SERPINF1: variants seen among roughly 807,000 people sequenced by gnomAD.
SERPINF1 encodes the protein pigment epithelium-derived factor.
SERPINF1 carries 29 observed loss-of-function variants against 37.3 expected under a neutral mutation model. The observed-to-expected ratio is 0.78, with a 90% confidence interval of 0.58 to 1.06. The LOEUF (loss-of-function observed/expected upper bound fraction) is 1.06, where lower values mean the gene tolerates loss of function less well. SERPINF1 is among the 50% of genes least tolerant of loss of function. SERPINF1 has a pLI of 0.00. For missense variants in SERPINF1, 553 were observed against 532.2 expected (o/e 1.04, Z -0.38); for synonymous variants, 281 against 227.9 (o/e 1.23, Z -2.10).
At chr17:1,772,644 T>C (rs1907820792) in intron 5 of SERPINF1, among the ~76,000 whole-genome samples, 1 of 151,788 alleles carries the variant, frequency 6.6e-6, no homozygotes, top group African/African-American at 2.4e-5. Context: ...CTGCAAGCTC[T>C]GCCTTCCAGG....
chr17:1,770,009 C>T lies in SERPINF1; in HGVS notation c.242C>T (p.Ser81Phe), dbSNP rs140512665. 3.1e-6 allele frequency: 5 copies of T among 1,614,232 alleles called. No individual in the cohort carries two copies. The highest frequency in any genetic ancestry group is 3.3e-5 in the Admixed American group (2 of 60,030). ...STSPTTNVLL[S>F]PLSVATALSA... ...AGCCCCACGACCAACGTGCTCCTGT[C>T]TCCTCTCAGTGTGGCCACGGCCCTC... Residue 81 changes from serine (S) to phenylalanine (F), a missense_variant, in exon 3 of 8, where the codon TCT becomes TTT. Ser to Phe is a radical substitution (Grantham distance 155, BLOSUM62 -2). Coordinates refer to ENST00000254722, the MANE Select transcript of SERPINF1 (RefSeq NM_002615.7).
chr17:1,772,675 C>T (rs1368896594), intron 5 of SERPINF1, among the ~76,000 whole-genome samples: 2 of 152,202 alleles, frequency 1.3e-5, no homozygotes, highest in Non-Finnish European at 2.9e-5. Context: ...TCTCCTGCCT[C>T]GACCTCCCGA....
At chr17:1,768,526 T>C (rs1324478363) in intron 2 of SERPINF1, among the ~76,000 whole-genome samples, 1 of 151,490 alleles carries the variant, frequency 6.6e-6, no homozygotes. Flanking sequence ...CATGCTGGAG[T>C]ACAGTGGTGC....
At chr17:1,762,554 G>A (rs1431825445) in intron 1 of SERPINF1, among the ~76,000 whole-genome samples, 1 of 152,164 alleles carries the variant, frequency 6.6e-6, no homozygotes, top group Non-Finnish European at 1.5e-5. Flanking sequence ...GCCCAGCCCT[G>A]GCCCCTGCTC....
intron 1 of SERPINF1, among the ~76,000 whole-genome samples, chr17:1,765,824 G>A (rs1481221193): frequency 7.0e-6 from 1 of 143,048 alleles, no homozygotes; most frequent in South Asian, 2.2e-4. Flanking sequence ...GTAGTGAATA[G>A]CCACTACACT....
At chr17:1,763,162 G>A (rs1016547147) in intron 1 of SERPINF1, among the ~76,000 whole-genome samples, 2 of 152,340 alleles carry the variant, frequency 1.3e-5, no homozygotes, top group South Asian at 4.1e-4. Flanking sequence ...AGCCAGGGGA[G>A]GGGGAGGTGC....
intron 5 of SERPINF1, 82 bp downstream of exon 5, chr17:1,772,157 T>A (rs5008943): frequency 7.0e-7 from 1 of 1,426,542 alleles, no homozygotes; most frequent in Non-Finnish European, 9.6e-7. Context: ...TACTCTGTAG[T>A]CCTAACTGGA....
Position 1,769,856 on chromosome 17 carries a change from C to T in SERPINF1, c.89C>T (p.Ser30Phe). 1 of 1,614,210 alleles carries T rather than the reference C, an allele frequency of 6.2e-7. No individual in the cohort carries two copies. Among genetic ancestry groups the T allele is most frequent in the East Asian group, 2.2e-5 (1 of 44,890 alleles). Reference protein sequence around the residue: ...QNPASPPEEGSPDPDSTGALV... With the variant: ...QNPASPPEEGFPDPDSTGALV... ...AGACTTCCTGTCTCCTGCCAGGGCT[C>T]CCCAGACCCCGACAGCACAGGGGCG... Residue 30 changes from serine to phenylalanine, a missense_variant, in exon 3 of 8, where the codon TCC (serine) becomes TTC (phenylalanine). Coordinates refer to ENST00000254722, the MANE Select transcript of SERPINF1 (RefSeq NM_002615.7).
chr17:1,772,154 T>C, intron 5 of SERPINF1, 79 bp downstream of exon 5: 1 of 1,453,554 alleles, frequency 6.9e-7, no homozygotes, highest in South Asian at 1.2e-5. Context: ...TCTTACTCTG[T>C]AGTCCTAACT....
chr17:1,772,628 G>A (rs559794824), intron 5 of SERPINF1, among the ~76,000 whole-genome samples: 16 of 149,888 alleles, frequency 1.1e-4, no homozygotes, highest in Admixed American at 8.8e-4. Flanking sequence ...GCGCGATCTC[G>A]GCTCACTGCA....
chr17:1,768,493 A>T (rs895367643), intron 2 of SERPINF1, among the ~76,000 whole-genome samples: 3 of 150,684 alleles, frequency 2.0e-5, no homozygotes, highest in African/African-American at 4.9e-5. Context: ...CTTTTTTTAG[A>T]GACAGAGTCT....
chr17:1,769,678 C>T (rs1447428199), intron 2 of SERPINF1, 174 bp from the exon 3 acceptor site: 5 of 699,098 alleles, frequency 7.2e-6, no homozygotes, highest in South Asian at 1.6e-5. Flanking sequence ...ACAGAGAGCT[C>T]ATGCGTGATC....
intron 1 of SERPINF1, among the ~76,000 whole-genome samples, chr17:1,765,747 C>G (rs143604364): frequency 2.0e-5 from 3 of 151,982 alleles, no homozygotes; most frequent in Admixed American, 2.0e-4. Context: ...GTCCCAGCTA[C>G]TCACGAGGCT....
At position 1,772,676 on chromosome 17, in the gene SERPINF1, G is replaced by A. The variant is rs894228311; in HGVS notation, c.643+601G>A. 2.6e-5 allele frequency among the ~76,000 whole-genome samples: 4 copies of A among 151,398 alleles called. No individual in the cohort carries two copies. The East Asian group carries it at 5.9e-4, about 22-fold the overall frequency. The stretch of plus-strand genomic sequence containing the variant: ...CAGGTTCACACCATTCTCCTGCCTC[G>A]ACCTCCCGAGTAGCTGGGACTACAG... On this transcript the variant is annotated intron_variant, in intron 5 of 7. Transcript: ENST00000254722.
chr17:1,774,912 G>A, intron 5 of SERPINF1, 146 bp from the exon 6 acceptor site: 1 of 916,136 alleles, frequency 1.1e-6, no homozygotes, highest in Non-Finnish European at 1.7e-6. Flanking sequence ...CACTGAGATA[G>A]GCCTATTCCC....
Position 1,772,038 on chromosome 17 carries a change from G to T in SERPINF1, c.606G>T (p.Glu202Asp), listed in dbSNP as rs200661635. ...GGTCCACAAAGGAAATTCCCGATGAGATCAGCATTCTCCTTCTCGGTGTGG... is the reference window on the plus strand; with the variant it reads ...GGTCCACAAAGGAAATTCCCGATGATATCAGCATTCTCCTTCTCGGTGTGG... ...LARSTKEIPD[E>D]ISILLLGVAH... Residue 202 changes from glutamate to aspartate, a missense_variant, in exon 5 of 8, where the codon GAG becomes GAT. Transcript: ENST00000254722. The T allele has an allele frequency of 3.5e-5, 57 of 1,613,850 alleles. 1 individual carries two copies. The highest frequency in any genetic ancestry group is 6.7e-5 in the Admixed American group (4 of 59,974).
At position 1,769,886 on chromosome 17, in the gene SERPINF1, TGGA is replaced by T. The variant is rs754278719; in HGVS notation, c.129_131del (p.Glu43del). 4 of 1,613,974 alleles carry T rather than the reference TGGA, an allele frequency of 2.5e-6. No individual in the cohort carries two copies. The highest frequency in any genetic ancestry group is 2.2e-5 in the South Asian group (2 of 91,084). Reference sequence around the variant, plus strand: ...GACCCCGACAGCACAGGGGCGCTGGTGGAGGAGGAGGATCCTTTCTTCAAAGTC... The same window carrying T: ...GACCCCGACAGCACAGGGGCGCTGGTGGAGGAGGATCCTTTCTTCAAAGTC... On this transcript the variant is annotated inframe_deletion, in exon 3 of 8. Coordinates refer to ENST00000254722, the MANE Select transcript of SERPINF1 (RefSeq NM_002615.7).
chr17:1,767,569 C>T (rs1907462847), intron 2 of SERPINF1, among the ~76,000 whole-genome samples: 1 of 152,180 alleles, frequency 6.6e-6, no homozygotes, highest in Non-Finnish European at 1.5e-5. Flanking sequence ...CTCTCTCCTG[C>T]CCAGAAAGGG....
intron 5 of SERPINF1, among the ~76,000 whole-genome samples, chr17:1,772,346 G>A (rs867346004): frequency 1.3e-5 from 2 of 151,926 alleles, no homozygotes; most frequent in African/African-American, 4.8e-5. Context: ...GAACTCCTGA[G>A]CTCAGGTGGT....
Sources: gnomAD v4.1 joint callset for allele counts (sites outside exome capture counted in the v4.1 genomes callset) on GRCh38, gnomAD v4.1.1 for gene constraint, MANE v1.5 for transcripts, NCBI Gene and HGNC (gene_info 2026-07-23, HGNC 2026-07-21) for gene names.